ZFHX4: variants seen among roughly 807,000 people sequenced by gnomAD.
ZFHX4 encodes the protein zinc finger homeobox 4, also known as zinc finger homeobox protein 4.
ZFHX4 carries 56 observed loss-of-function variants against 267.6 expected under a neutral mutation model. The ratio of observed to expected loss-of-function variants is 0.21; its 90% CI spans 0.17 to 0.26. The LOEUF (loss-of-function observed/expected upper bound fraction) is 0.26. Among genes scored for constraint, ZFHX4 ranks in the 10% least tolerant of loss-of-function variants. The pLI, the probability that ZFHX4 is intolerant of heterozygous loss-of-function variation, is 1.00. For missense variants in ZFHX4, 4,332 were observed against 4,420.0 expected (o/e 0.98, Z 0.56); for synonymous variants, 1,778 against 1,665.6 (o/e 1.07, Z -1.64).
chr8:76,709,802 C>CGTGTGT lies in ZFHX4; in HGVS notation c.3093+1779_3093+1784dup, dbSNP rs34448728. On this transcript the variant is annotated intron_variant, in intron 3 of 10. Coordinates refer to ENST00000651372, the MANE Select transcript of ZFHX4 (RefSeq NM_024721.5). The stretch of plus-strand genomic sequence containing the variant: ...GTGTGCGTGTGTGTGCGTGTGTGTG[C>CGTGTGT]GTGTGTGTGTGTGTGTGTGTGTGTG... Among the ~76,000 whole-genome samples, 498 of 140,176 alleles carry CGTGTGT rather than the reference C, an allele frequency of 3.6e-3. 1 individual carries two copies. The highest frequency in any genetic ancestry group is 5.6e-3 in the Admixed American group (79 of 14,064). The allele number at this position is 140,176 out of a possible 152,430, so 92.0% of individuals were successfully genotyped here. A position where few individuals can be genotyped will look rare whatever the true frequency, so the allele number is the denominator to read the frequency against.
chr8:76,855,495 G>A lies in ZFHX4; in HGVS notation c.8574G>A (p.Glu2858=), dbSNP rs1272514940. ...LPKPATTPTT[E]VCDDKFLFSL... is the part of the protein sequence containing the mutation. ...AACCTGCAACCACACCTACCACGGAGGTCTGCGATGACAAATTTCTCTTTT... is the reference window on the plus strand; with the variant it reads ...AACCTGCAACCACACCTACCACGGAAGTCTGCGATGACAAATTTCTCTTTT... Residue 2858 remains glutamate (E), a synonymous_variant, in exon 10 of 11, where the codon GAG becomes GAA. Transcript: ENST00000651372. 2 of 1,613,766 alleles carry A rather than the reference G, an allele frequency of 1.2e-6. No individual in the cohort carries two copies. Among genetic ancestry groups the A allele is most frequent in the East Asian group, 2.2e-5 (1 of 44,840 alleles).
In ZFHX4 at chr8:76,864,823, T is replaced by C. The variant is rs1812988606; in HGVS notation, c.*258T>C. ...GAAAAAAAAATCTCACAAGTTCTTT[T>C]GGAACTTGTTTCAAGCCAAAAACTC... On this transcript the variant is annotated 3_prime_UTR_variant, in exon 11 of 11. Transcript: ENST00000651372. 1 of 257,608 alleles carries C rather than the reference T, an allele frequency of 3.9e-6. No individual in the cohort carries two copies. Among genetic ancestry groups the C allele is most frequent in the South Asian group, 1.2e-4 (1 of 8,230 alleles). The allele number at this position is 257,608 out of a possible 1,614,324, so 16.0% of individuals were successfully genotyped here.
intron 6 of ZFHX4, among the ~76,000 whole-genome samples, chr8:76,844,745 T>C (rs568184864): frequency 1.8e-4 from 27 of 152,200 alleles, no homozygotes; most frequent in African/African-American, 5.8e-4. Context: ...TCTGTAGGGA[T>C]AAAAAATAAG....
chr8:76,816,618 A>G (rs898007766), intron 4 of ZFHX4, among the ~76,000 whole-genome samples: 4 of 138,740 alleles, frequency 2.9e-5, no homozygotes, highest in African/African-American at 1.1e-4. Flanking sequence ...TTTTTGAGAC[A>G]GAGTCTTGCT....
In ZFHX4 at chr8:76,866,424, C is replaced by T. The variant is rs1228279231; in HGVS notation, c.*1859C>T. Reference sequence around the variant, plus strand: ...TGATCACAGCAATCTTTATTCTATACATTTTATGTGAACTTTTTTAATGTC... The same window carrying T: ...TGATCACAGCAATCTTTATTCTATATATTTTATGTGAACTTTTTTAATGTC... On this transcript the variant is annotated 3_prime_UTR_variant, in exon 11 of 11. Coordinates refer to ENST00000651372, the MANE Select transcript of ZFHX4 (RefSeq NM_024721.5). 2 of 150,398 alleles carry T rather than the reference C, an allele frequency of 1.3e-5. No individual in the cohort carries two copies. The highest frequency in any genetic ancestry group is 3.0e-5 in the Non-Finnish European group (2 of 67,558). 9.3% of individuals were successfully genotyped at this position (150,398 alleles called of 1,614,324 possible). A position where few individuals can be genotyped will look rare whatever the true frequency, so the allele number is the denominator to read the frequency against.
At chr8:76,762,773 A>C (rs554631819) in intron 3 of ZFHX4, among the ~76,000 whole-genome samples, 1 of 152,198 alleles carries the variant, frequency 6.6e-6, no homozygotes, top group Non-Finnish European at 1.5e-5. Context: ...TACTATGCCT[A>C]AAACATATTG....
intron 10 of ZFHX4, among the ~76,000 whole-genome samples, 169 bp from the exon 11 acceptor site, chr8:76,862,925 A>G (rs1248723793): frequency 6.6e-6 from 1 of 152,130 alleles, no homozygotes; most frequent in Non-Finnish European, 1.5e-5. Context: ...AAACACAGGA[A>G]AGCCCCATGT....
chr8:76,844,764 A>G (rs1006608265), intron 6 of ZFHX4, among the ~76,000 whole-genome samples: 1 of 152,134 alleles, frequency 6.6e-6, no homozygotes, highest in African/African-American at 2.4e-5. Context: ...AGCTCTAGGC[A>G]AGGACCAACT....
At chr8:76,754,315 C>G (rs1051338151) in intron 3 of ZFHX4, among the ~76,000 whole-genome samples, 1 of 152,072 alleles carries the variant, frequency 6.6e-6, no homozygotes, top group Non-Finnish European at 1.5e-5. Context: ...TGACAAAACC[C>G]TGTCTCTACC....
At chr8:76,752,948 G>A (rs774615252) in intron 3 of ZFHX4, among the ~76,000 whole-genome samples, 13 of 152,144 alleles carry the variant, frequency 8.5e-5, no homozygotes, top group Non-Finnish European at 1.8e-4. Context: ...ACTTGAAAAG[G>A]TTCTGGGTTT....
At chr8:76,786,206 A>T (rs1462453379) in intron 4 of ZFHX4, among the ~76,000 whole-genome samples, 1 of 152,010 alleles carries the variant, frequency 6.6e-6, no homozygotes, top group Non-Finnish European at 1.5e-5. Context: ...GAATGAGCAG[A>T]CGTTTTGAGA....
At chr8:76,799,399 C>CT (rs1377572802) in intron 4 of ZFHX4, among the ~76,000 whole-genome samples, 1 of 152,204 alleles carries the variant, frequency 6.6e-6, no homozygotes, top group Non-Finnish European at 1.5e-5. Flanking sequence ...ATTTTCTCAC[C>CT]TGCAGGGTTG....
intron 3 of ZFHX4, among the ~76,000 whole-genome samples, chr8:76,753,873 C>T (rs1809691468): frequency 6.6e-6 from 1 of 152,086 alleles, no homozygotes. Context: ...AGTGATCCTC[C>T]TGCCTTGGCT....
At chr8:76,703,575 C>T (rs1315458864) in intron 1 of ZFHX4, 1 of 153,216 alleles carries the variant, frequency 6.5e-6, no homozygotes, top group Non-Finnish European at 1.5e-5. Context: ...TGGTCTCCCT[C>T]CCACACTCAT....
chr8:76,709,247 A>G lies in ZFHX4; in HGVS notation c.3093+1199A>G, dbSNP rs922057766. ...ATAAATGTACTGTGCATAAAATCCT[A>G]ACGACTCAGTGTGAGAATTTGTAGC... On this transcript the variant is annotated intron_variant, in intron 3 of 10. Coordinates refer to ENST00000651372, the MANE Select transcript of ZFHX4 (RefSeq NM_024721.5). Among the ~76,000 whole-genome samples, 4 of 151,874 alleles carry G rather than the reference A, an allele frequency of 2.6e-5. No homozygotes were observed. The South Asian group carries it at 6.4e-4, about 24-fold the overall frequency.
chr8:76,792,156 T>A (rs1464188968), intron 4 of ZFHX4, among the ~76,000 whole-genome samples: 1 of 152,192 alleles, frequency 6.6e-6, no homozygotes, highest in Non-Finnish European at 1.5e-5. Flanking sequence ...TCAGCCATTC[T>A]ATTGTGAAAA....
intron 5 of ZFHX4, among the ~76,000 whole-genome samples, chr8:76,834,801 A>G (rs1812027443): frequency 6.6e-6 from 1 of 152,056 alleles, no homozygotes; most frequent in Admixed American, 6.6e-5. Context: ...TTAGTGTGGT[A>G]TCTAAAAAAT....
intron 4 of ZFHX4, among the ~76,000 whole-genome samples, chr8:76,780,770 A>C (rs1294820814): frequency 6.6e-6 from 1 of 152,116 alleles, no homozygotes; most frequent in Non-Finnish European, 1.5e-5. Flanking sequence ...AAAACCCAAG[A>C]AGTAATTTAC....
intron 1 of ZFHX4, among the ~76,000 whole-genome samples, chr8:76,702,331 A>G (rs1808126552): frequency 1.3e-5 from 2 of 152,176 alleles, no homozygotes; most frequent in South Asian, 4.1e-4. Context: ...TTTTCAATCT[A>G]TGCAGATCTT....
Sources: gnomAD v4.1 joint callset for allele counts (sites outside exome capture counted in the v4.1 genomes callset) on GRCh38, gnomAD v4.1.1 for gene constraint, MANE v1.5 for transcripts, NCBI Gene and HGNC (gene_info 2026-07-23, HGNC 2026-07-21) for gene names.